PDZRN4: variants seen among roughly 807,000 people sequenced by gnomAD.
The protein encoded by PDZRN4 is PDZ domain-containing RING finger protein 4.
PDZRN4 carries 70 observed loss-of-function variants against 99.0 expected under a neutral mutation model. The observed-to-expected ratio is 0.71, with a 90% CI of 0.58 to 0.86. PDZRN4 has a LOEUF of 0.86. PDZRN4 is among the 40% of genes least tolerant of loss of function. The pLI is 0.00. For missense variants in PDZRN4, 1,474 were observed against 1,331.2 expected (o/e 1.11, Z -1.67); for synonymous variants, 551 against 501.6 (o/e 1.10, Z -1.32).
chr12:41,487,251 AT>A (rs71081746), intron 3 of PDZRN4, among the ~76,000 whole-genome samples: 86,111 of 149,502 alleles, frequency 0.58, 26,157 homozygotes, highest in African/African-American at 0.81. Context: ...GTGCCCAATA[AT>A]TTTTTTTTTT....
chr12:41,213,068 CTAGT>C (rs990044587), intron 3 of PDZRN4, among the ~76,000 whole-genome samples: 1 of 152,128 alleles, frequency 6.6e-6, no homozygotes, highest in Middle Eastern at 3.4e-3. Context: ...ACTAATACTC[CTAGT>C]TATTCTCAAA....
chr12:41,379,314 C>A (rs1287179560), intron 3 of PDZRN4, among the ~76,000 whole-genome samples: 13 of 147,714 alleles, frequency 8.8e-5, no homozygotes, highest in African/African-American at 3.2e-4. Flanking sequence ...TTTCAGAAAA[C>A]CATCCCTTCA....
At chr12:41,293,330 C>G (rs373519655) in intron 3 of PDZRN4, among the ~76,000 whole-genome samples, 1 of 150,838 alleles carries the variant, frequency 6.6e-6, no homozygotes, top group Non-Finnish European at 1.5e-5. Flanking sequence ...CATGTAGCAT[C>G]GTATCTGCCA....
At chr12:41,288,044 C>A (rs1049216818) in intron 3 of PDZRN4, among the ~76,000 whole-genome samples, 4 of 152,050 alleles carry the variant, frequency 2.6e-5, no homozygotes, top group East Asian at 3.9e-4. Flanking sequence ...CCTGCTGCAA[C>A]GTGATGTATT....
At chr12:41,244,907 GTC>G (rs940586401) in intron 3 of PDZRN4, among the ~76,000 whole-genome samples, 14 of 141,696 alleles carry the variant, frequency 9.9e-5, no homozygotes, top group African/African-American at 3.7e-4. Flanking sequence ...AGCCAGGATG[GTC>G]TCGATCTCCT....
intron 5 of PDZRN4, among the ~76,000 whole-genome samples, chr12:41,520,335 C>G (rs1165958444): frequency 6.6e-6 from 1 of 152,032 alleles, no homozygotes; most frequent in Non-Finnish European, 1.5e-5. Flanking sequence ...CTCTAACCTT[C>G]TTCAATATGG....
At chr12:41,506,271 T>A (rs1381840978) in intron 3 of PDZRN4, among the ~76,000 whole-genome samples, 185 bp from the exon 4 acceptor site, 7 of 152,108 alleles carry the variant, frequency 4.6e-5, no homozygotes, top group Non-Finnish European at 8.8e-5. Flanking sequence ...GTAATTGTTG[T>A]TGTAATCTCA....
rs145626432 is a variant in PDZRN4 at position 41,495,965 on chromosome 12, C to T, written c.844-10491C>T. Among the ~76,000 whole-genome samples the T allele has an allele frequency of 4.9e-3, 750 of 152,240 alleles. 7 individuals carry two copies. Among genetic ancestry groups the T allele is most frequent in the Non-Finnish European group, 8.1e-3 (550 of 68,008 alleles). ...GTTAGCCCTTTGTGCTCTTGCAGAG[C>T]TGTTAATACCTTCCTTTCAGCTTTT... On this transcript the variant is annotated intron_variant, in intron 3 of 9. Transcript: ENST00000402685.
At chr12:41,211,641 C>A (rs1950889378) in intron 3 of PDZRN4, among the ~76,000 whole-genome samples, 2 of 151,830 alleles carry the variant, frequency 1.3e-5, no homozygotes, top group Non-Finnish European at 2.9e-5. Context: ...GGAAGAAGAC[C>A]ATCTGTAGAT....
intron 3 of PDZRN4, among the ~76,000 whole-genome samples, chr12:41,440,050 A>G (rs1326450983): frequency 2.0e-5 from 3 of 152,164 alleles, no homozygotes; most frequent in Non-Finnish European, 4.4e-5. Flanking sequence ...CATGAAAGTG[A>G]ACATGTTCTT....
At chr12:41,244,716 C>T (rs1591982669) in intron 3 of PDZRN4, among the ~76,000 whole-genome samples, 2 of 143,002 alleles carry the variant, frequency 1.4e-5, no homozygotes, top group East Asian at 2.1e-4. Context: ...CTCGCTCTGT[C>T]GCCCAGGCCA....
intron 3 of PDZRN4, among the ~76,000 whole-genome samples, chr12:41,232,114 G>C (rs1951032743): frequency 6.6e-6 from 1 of 151,912 alleles, no homozygotes; most frequent in Admixed American, 6.6e-5. Context: ...GTTGTAGAAT[G>C]CCATCTGAAG....
intron 6 of PDZRN4, among the ~76,000 whole-genome samples, chr12:41,553,880 TA>T (rs34840849): frequency 0.74 from 112,783 of 151,780 alleles, 42,300 homozygotes; most frequent in African/African-American, 0.84. Context: ...AAACGTTACC[TA>T]AATATACTGA....
At position 41,194,116 on chromosome 12, in the gene PDZRN4, C is replaced by A. The variant is rs558830343; in HGVS notation, c.771C>A (p.Tyr257Ter). 2 of 1,559,004 alleles carry A rather than the reference C, an allele frequency of 1.3e-6. No individual in the cohort carries two copies. The highest frequency in any genetic ancestry group is 8.7e-7 in the Non-Finnish European group (1 of 1,143,076). ...AAGGAACATCGACTGAAGGAATTTA[C>A]GTTTCAAAAATTTTAGAAAATGGAC... ...NQEGTSTEGI[Y>*]VSKILENGPA... The change falls in exon 3 of 10, where the codon TAC (tyrosine) becomes TAA (stop). Residue 257 changes from tyrosine (Y) to a stop codon, truncating the protein, a stop_gained. Coordinates refer to ENST00000402685, the MANE Select transcript of PDZRN4 (RefSeq NM_001164595.2). LOFTEE classifies it high-confidence loss of function.
intron 3 of PDZRN4, among the ~76,000 whole-genome samples, chr12:41,462,358 A>G (rs900153000): frequency 6.6e-6 from 1 of 152,198 alleles, no homozygotes; most frequent in Admixed American, 6.5e-5. Flanking sequence ...ATAGAAAGTT[A>G]ATGTGCCAGG....
intron 3 of PDZRN4, among the ~76,000 whole-genome samples, chr12:41,475,724 A>G (rs1430081081): frequency 2.0e-5 from 3 of 152,252 alleles, no homozygotes; most frequent in Non-Finnish European, 4.4e-5. Flanking sequence ...TAATTTCATG[A>G]AAACCATAAT....
chr12:41,560,716 T>G (rs1197751714), intron 7 of PDZRN4, among the ~76,000 whole-genome samples: 1 of 152,188 alleles, frequency 6.6e-6, no homozygotes, highest in African/African-American at 2.4e-5. Context: ...ATCCTGTAAC[T>G]GTAAACCATT....
At chr12:41,460,882 C>T (rs1483612294) in intron 3 of PDZRN4, among the ~76,000 whole-genome samples, 2 of 152,196 alleles carry the variant, frequency 1.3e-5, no homozygotes, top group African/African-American at 4.8e-5. Flanking sequence ...TTTCATGTTG[C>T]TCGTCTAAGG....
intron 5 of PDZRN4, among the ~76,000 whole-genome samples, chr12:41,537,176 A>C (rs948583130): frequency 6.6e-6 from 1 of 152,126 alleles, no homozygotes; most frequent in African/African-American, 2.4e-5. Context: ...CTCAAGTATG[A>C]TATGTGTTGA....
Sources: gnomAD v4.1 joint callset for allele counts (sites outside exome capture counted in the v4.1 genomes callset) on GRCh38, gnomAD v4.1.1 for gene constraint, MANE v1.5 for transcripts, NCBI Gene and HGNC (gene_info 2026-07-23, HGNC 2026-07-21) for gene names.